EFNA5: variants seen among roughly 807,000 people sequenced by gnomAD.
EFNA5 encodes ephrin-A5.
A neutral mutation model predicts 22.9 loss-of-function variants in EFNA5; 5 were observed. That is an observed-to-expected ratio of 0.22 (90% confidence interval 0.11 to 0.46). The LOEUF (loss-of-function observed/expected upper bound fraction) is 0.46. EFNA5 is among the 20% of genes least tolerant of loss of function. The pLI is 0.99. For missense variants in EFNA5, 237 were observed against 293.3 expected (o/e 0.81, Z 1.40); for synonymous variants, 113 against 112.2 (o/e 1.01, Z -0.04).
chr5:107,480,760 A>G (rs1750436911), intron 1 of EFNA5, among the ~76,000 whole-genome samples: 1 of 152,216 alleles, frequency 6.6e-6, no homozygotes, highest in South Asian at 2.1e-4. Flanking sequence ...GCGGTCCCAG[A>G]AAGACAAAAT....
intron 1 of EFNA5, among the ~76,000 whole-genome samples, chr5:107,429,769 G>A (rs1188851567): frequency 2.0e-5 from 3 of 151,478 alleles, no homozygotes; most frequent in Non-Finnish European, 4.4e-5. Context: ...ACCATCATCA[G>A]GATATACCAA....
At chr5:107,477,369 A>T (rs984202138) in intron 1 of EFNA5, among the ~76,000 whole-genome samples, 2 of 152,208 alleles carry the variant, frequency 1.3e-5, no homozygotes, top group South Asian at 4.1e-4. Flanking sequence ...AGAAACTCTT[A>T]TCTTTCTGGA....
At chr5:107,632,400 G>T (rs2112537306) in intron 1 of EFNA5, among the ~76,000 whole-genome samples, 1 of 152,234 alleles carries the variant, frequency 6.6e-6, no homozygotes, top group Admixed American at 6.5e-5. Context: ...ACAAGGAATA[G>T]TGTGGATACA....
At chr5:107,604,382 G>C (rs1749668135) in intron 1 of EFNA5, among the ~76,000 whole-genome samples, 1 of 151,816 alleles carries the variant, frequency 6.6e-6, no homozygotes, top group South Asian at 2.1e-4. Flanking sequence ...TATCTTAAAA[G>C]TCACAAGAAG....
chr5:107,535,087 C>T, intron 1 of EFNA5, among the ~76,000 whole-genome samples: 1 of 152,084 alleles, frequency 6.6e-6, no homozygotes, highest in East Asian at 1.9e-4. Flanking sequence ...TTAGCTATGT[C>T]TCACACCTGG....
At chr5:107,544,762 T>C (rs1237302609) in intron 1 of EFNA5, among the ~76,000 whole-genome samples, 1 of 152,240 alleles carries the variant, frequency 6.6e-6, no homozygotes, top group Non-Finnish European at 1.5e-5. Context: ...CCTGAGTGCC[T>C]GGAGAACACA....
At chr5:107,568,672 A>G (rs565137266) in intron 1 of EFNA5, among the ~76,000 whole-genome samples, 1 of 152,342 alleles carries the variant, frequency 6.6e-6, no homozygotes, top group South Asian at 2.1e-4. Flanking sequence ...GAGAACATAC[A>G]AATAATTGTG....
At chr5:107,652,234 T>C (rs894768399) in intron 1 of EFNA5, among the ~76,000 whole-genome samples, 1 of 152,158 alleles carries the variant, frequency 6.6e-6, no homozygotes, top group African/African-American at 2.4e-5. Context: ...ATTCCCCAAA[T>C]CCATATACAA....
chr5:107,569,575 A>ATATATATATATATT (rs1748749021), intron 1 of EFNA5, among the ~76,000 whole-genome samples: 1 of 24,584 alleles, frequency 4.1e-5, no homozygotes, highest in Non-Finnish European at 1.3e-4. Flanking sequence ...ATATATATAT[A>ATATATATATATATT]TATATATATA....
intron 1 of EFNA5, among the ~76,000 whole-genome samples, chr5:107,477,999 C>T (rs7721913): frequency 6.6e-6 from 1 of 151,924 alleles, no homozygotes; most frequent in African/African-American, 2.4e-5. Flanking sequence ...TGATAACCAC[C>T]GAAATACATG....
intron 2 of EFNA5, among the ~76,000 whole-genome samples, chr5:107,394,827 T>C (rs1285324663): frequency 6.6e-6 from 1 of 152,166 alleles, no homozygotes; most frequent in African/African-American, 2.4e-5. Flanking sequence ...CACACTAACA[T>C]GCTTTTTGTA....
chr5:107,502,439 C>T (rs1011527280), intron 1 of EFNA5, among the ~76,000 whole-genome samples: 3 of 152,118 alleles, frequency 2.0e-5, no homozygotes, highest in African/African-American at 7.2e-5. Flanking sequence ...GCAAATGAAC[C>T]GGCAATCATT....
chr5:107,578,547 T>A (rs2112492570), intron 1 of EFNA5, among the ~76,000 whole-genome samples: 1 of 152,164 alleles, frequency 6.6e-6, no homozygotes, highest in South Asian at 2.1e-4. Context: ...TGAATCTGAG[T>A]GTTCTAAAAA....
At chr5:107,581,749 T>C (rs1314075329) in intron 1 of EFNA5, among the ~76,000 whole-genome samples, 2 of 152,210 alleles carry the variant, frequency 1.3e-5, no homozygotes, top group East Asian at 3.8e-4. Flanking sequence ...GGGAGTAGAA[T>C]CTAGGTCCCC....
Position 107,438,818 on chromosome 5 carries a change from G to C in EFNA5, c.126-11309C>G, listed in dbSNP as rs183247193. Among the ~76,000 whole-genome samples the C allele has an allele frequency of 6.2e-4, 94 of 152,244 alleles. No individual in the cohort carries two copies. In the East Asian group the frequency reaches 0.017, roughly 27 times the overall value. ...TCCATCCCTGTACTAACTGCTCCAG[G>C]CCACTGTTGGAAGGTGGGAAGGCAA... On this transcript the variant is annotated intron_variant, in intron 1 of 4. Coordinates refer to ENST00000333274, the MANE Select transcript of EFNA5 (RefSeq NM_001962.3).
At chr5:107,485,153 A>G (rs1262075683) in intron 1 of EFNA5, among the ~76,000 whole-genome samples, 2 of 152,200 alleles carry the variant, frequency 1.3e-5, no homozygotes, top group African/African-American at 4.8e-5. Flanking sequence ...TTTTCCTTGC[A>G]CTTCTATTCA....
In EFNA5 at chr5:107,670,760, A is replaced by G. The variant is rs1037510834; in HGVS notation, c.-147T>C. ...AAAATGAAAGTGGGCGAGAAAGGAAAGAGGCGCCCACCAAGCTGGGGAGGG... is the reference window on the plus strand; with the variant it reads ...AAAATGAAAGTGGGCGAGAAAGGAAGGAGGCGCCCACCAAGCTGGGGAGGG... On this transcript the variant is annotated 5_prime_UTR_variant, in exon 1 of 5. Coordinates refer to ENST00000333274, the MANE Select transcript of EFNA5 (RefSeq NM_001962.3). 16 of 1,155,808 alleles carry G rather than the reference A, an allele frequency of 1.4e-5. No homozygotes were observed. The highest frequency in any genetic ancestry group is 8.1e-5 in the Admixed American group (3 of 37,174). 71.6% of individuals were successfully genotyped at this position (1,155,808 alleles called of 1,614,324 possible).
intron 1 of EFNA5, among the ~76,000 whole-genome samples, chr5:107,641,993 G>A (rs1431801855): frequency 1.3e-5 from 2 of 152,170 alleles, no homozygotes; most frequent in Non-Finnish European, 2.9e-5. Context: ...AAAAAGGGCA[G>A]TATCTAAAAG....
intron 1 of EFNA5, among the ~76,000 whole-genome samples, chr5:107,536,872 C>CA (rs940809387): frequency 3.3e-5 from 5 of 152,008 alleles, no homozygotes; most frequent in Non-Finnish European, 5.9e-5. Context: ...TTTGGGAGGC[C>CA]AAGGTGGGCA....
Sources: gnomAD v4.1 joint callset for allele counts (sites outside exome capture counted in the v4.1 genomes callset) on GRCh38, gnomAD v4.1.1 for gene constraint, MANE v1.5 for transcripts, NCBI Gene and HGNC (gene_info 2026-07-23, HGNC 2026-07-21) for gene names.